ACAT1: variants seen among roughly 807,000 people sequenced by gnomAD.
The protein encoded by ACAT1 is acetyl-CoA acetyltransferase 1.
In ACAT1, 28 loss-of-function variants were observed where a neutral mutation model predicts 47.3. That is an observed-to-expected ratio of 0.59 (90% CI 0.44 to 0.81). The LOEUF (loss-of-function observed/expected upper bound fraction) is 0.81, where lower values mean the gene tolerates loss of function less well. Among genes scored for constraint, ACAT1 ranks in the 30% least tolerant of loss-of-function variants. ACAT1 has a pLI of 0.00. For missense variants in ACAT1, 469 were observed against 524.3 expected (o/e 0.89, Z 1.03); for synonymous variants, 181 against 173.6 (o/e 1.04, Z -0.34).
Position 108,147,566 on chromosome 11 carries a change from A to C in ACAT1, c.*176A>C, listed in dbSNP as rs1405211946. Reference sequence around the variant, plus strand: ...CCAAAACATTTTGAAATTAAAAATAAATTTCTTCTTCTGCTTTTTTCTTGG... The same window carrying C: ...CCAAAACATTTTGAAATTAAAAATACATTTCTTCTTCTGCTTTTTTCTTGG... On this transcript the variant is annotated 3_prime_UTR_variant, in exon 12 of 12. Coordinates refer to ENST00000265838, the MANE Select transcript of ACAT1 (RefSeq NM_000019.4). 6.8e-6 allele frequency: 6 copies of C among 876,590 alleles called. No homozygotes were observed. The East Asian group carries it at 1.9e-4, about 28-fold the overall frequency. The allele number at this position is 876,590 out of a possible 1,614,324, so 54.3% of individuals were successfully genotyped here. A position where few individuals can be genotyped will look rare whatever the true frequency, so the allele number is the denominator to read the frequency against.
upstream of ACAT1, among the ~76,000 whole-genome samples, chr11:108,119,583 C>T (rs1164679690): frequency 6.6e-6 from 1 of 152,044 alleles, no homozygotes; most frequent in South Asian, 2.1e-4. Context: ...GAGGCCAGAC[C>T]TTTAGTTTTC....
chr11:108,121,904 AATC>A, intron 1 of ACAT1: 1 of 589,600 alleles, frequency 1.7e-6, no homozygotes, highest in South Asian at 2.0e-5. Flanking sequence ...GTCTCGGCGT[AATC>A]ATCTTAATGA....
chr11:108,120,539 C>A (rs1391932376), upstream of ACAT1, among the ~76,000 whole-genome samples: 8 of 99,716 alleles, frequency 8.0e-5, no homozygotes, highest in Admixed American at 4.8e-4. Flanking sequence ...GAGACCCTAT[C>A]TTAAAAAAAA....
At chr11:108,129,415 C>T (rs2077314706) in intron 1 of ACAT1, among the ~76,000 whole-genome samples, 2 of 152,108 alleles carry the variant, frequency 1.3e-5, no homozygotes, top group Admixed American at 1.3e-4. Context: ...GTCGCCCAGG[C>T]TGGAATGCAG....
chr11:108,134,016 T>A, intron 3 of ACAT1, 79 bp downstream of exon 3: 1 of 1,338,554 alleles, frequency 7.5e-7, no homozygotes, highest in Non-Finnish European at 1.1e-6. Flanking sequence ...ATTAACTATG[T>A]ATGTAACACT....
At position 108,130,234 on chromosome 11, in the gene ACAT1, C is replaced by A. The variant is rs1315316494; in HGVS notation, c.73-1673C>A. ...CTCTGGGTCCTAGCTTGGGTGAGTC[C>A]ATTCCATTCTTGATCCCATCAGCTC... On this transcript the variant is annotated intron_variant, in intron 1 of 11. Transcript: ENST00000265838. Among the ~76,000 whole-genome samples, 4 of 152,178 alleles carry A rather than the reference C, an allele frequency of 2.6e-5. No homozygotes were observed. The East Asian group carries it at 7.7e-4, about 29-fold the overall frequency.
At chr11:108,130,545 C>T (rs1354506341) in intron 1 of ACAT1, among the ~76,000 whole-genome samples, 1 of 149,076 alleles carries the variant, frequency 6.7e-6, no homozygotes, top group Admixed American at 6.7e-5. Flanking sequence ...ATGCATGGAC[C>T]ACCACACCCA....
intron 1 of ACAT1, among the ~76,000 whole-genome samples, chr11:108,129,599 C>A (rs1039831345): frequency 6.6e-6 from 1 of 152,230 alleles, no homozygotes; most frequent in Non-Finnish European, 1.5e-5. Flanking sequence ...GAACTCCCGA[C>A]CTCATTATCC....
At chr11:108,137,918 G>T (rs1391905302) in intron 5 of ACAT1, among the ~76,000 whole-genome samples, 3 of 125,448 alleles carry the variant, frequency 2.4e-5, no homozygotes, top group African/African-American at 9.2e-5. Flanking sequence ...CTGCACTCCA[G>T]CCTGGGCAAC....
At chr11:108,141,093 C>T (rs1364990193) in intron 7 of ACAT1, among the ~76,000 whole-genome samples, 2 of 151,930 alleles carry the variant, frequency 1.3e-5, no homozygotes, top group African/African-American at 4.8e-5. Flanking sequence ...CTGGGTATAG[C>T]AGCACACGCC....
intron 4 of ACAT1, among the ~76,000 whole-genome samples, chr11:108,134,641 GAAAAAAAAAAAA>G (rs71047674): frequency 1.6e-5 from 1 of 64,118 alleles, no homozygotes; most frequent in Non-Finnish European, 2.9e-5. Context: ...CTGTCTGAAA[GAAAAAAAAAAAA>G]AAAAAAAAAA....
chr11:108,144,053 A>G lies in ACAT1; in HGVS notation c.1005+6A>G. On this transcript the variant is annotated splice_donor_region_variant and intron_variant, in intron 10 of 11. Coordinates refer to ENST00000265838, the MANE Select transcript of ACAT1 (RefSeq NM_000019.4). ...CTGTATATGCTGCATCTATGGTGAG[A>G]ACAAAGTGAGGGGCGATACTCCATT... The G allele has an allele frequency of 6.6e-7, 1 of 1,506,038 alleles. No homozygotes were observed. Among genetic ancestry groups the G allele is most frequent in the Non-Finnish European group, 9.0e-7 (1 of 1,110,308 alleles). 93.3% of individuals were successfully genotyped at this position (1,506,038 alleles called of 1,614,324 possible).
Position 108,131,900 on chromosome 11 carries a change from A to G in ACAT1, c.73-7A>G. On this transcript the variant is annotated splice_region_variant and splice_polypyrimidine_tract_variant and intron_variant, in intron 1 of 11. Coordinates refer to ENST00000265838, the MANE Select transcript of ACAT1 (RefSeq NM_000019.4). ...ACATTATAACATTATAAATATTTAT[A>G]TTACAGGAAATAAGATATGTGGAAC... 7.8e-7 allele frequency: 1 copy of G among 1,281,980 alleles called. No individual in the cohort carries two copies. 79.4% of individuals were successfully genotyped at this position (1,281,980 alleles called of 1,614,324 possible).
rs3741055 is a variant in ACAT1 at position 108,121,598 on chromosome 11, T to A, written c.-9T>A. ...CGCCTGTGGAGCCGATACTCAGCCC[T>A]CTGCGACCATGGCTGTGCTGGCGGC... On this transcript the variant is annotated 5_prime_UTR_variant, in exon 1 of 12. Transcript: ENST00000265838. 0.32 allele frequency: 493,279 copies of A among 1,548,816 alleles called. 83,240 individuals are homozygous for A. Among genetic ancestry groups the A allele is most frequent in the South Asian group, 0.48 (40,423 of 84,032 alleles).
intron 2 of ACAT1, among the ~76,000 whole-genome samples, chr11:108,132,682 A>T (rs1014097458): frequency 2.6e-5 from 4 of 151,376 alleles, no homozygotes; most frequent in Non-Finnish European, 5.9e-5. Flanking sequence ...GTGAAACCCC[A>T]TCTCCACTAA....
At chr11:108,126,952 CCT>C (rs2077260989) in intron 1 of ACAT1, among the ~76,000 whole-genome samples, 4 of 151,654 alleles carry the variant, frequency 2.6e-5, no homozygotes, top group Middle Eastern at 3.4e-3. Flanking sequence ...GCCACCATGC[CCT>C]GTTATTTTTT....
At position 108,141,599 on chromosome 11, in the gene ACAT1, T is replaced by C. The variant is rs574669264; in HGVS notation, c.731-6T>C. On this transcript the variant is annotated splice_polypyrimidine_tract_variant and splice_region_variant and intron_variant, in intron 7 of 11. Coordinates refer to ENST00000265838, the MANE Select transcript of ACAT1 (RefSeq NM_000019.4). ...AGCGATTTTACTTAAAATATTTTTA[T>C]TTTAGGTCAACCAGATGTAGTGGTG... The C allele has an allele frequency of 1.2e-6, 2 of 1,608,024 alleles. No individual in the cohort carries two copies. The highest frequency in any genetic ancestry group is 1.7e-6 in the Non-Finnish European group (2 of 1,175,868).
chr11:108,138,703 T>C (rs2077520528), intron 5 of ACAT1, 195 bp from the exon 6 acceptor site: 1 of 659,884 alleles, frequency 1.5e-6, no homozygotes, highest in Non-Finnish European at 2.6e-6. Context: ...AGCCAACTTA[T>C]TTCTCATTAT....
chr11:108,142,689 T>G, intron 9 of ACAT1, 139 bp downstream of exon 9: 1 of 692,280 alleles, frequency 1.4e-6, no homozygotes, highest in Non-Finnish European at 2.6e-6. Context: ...GTTAAAAAAT[T>G]AGCTGAGCAT....
Sources: gnomAD v4.1 joint callset for allele counts (sites outside exome capture counted in the v4.1 genomes callset) on GRCh38, gnomAD v4.1.1 for gene constraint, MANE v1.5 for transcripts, NCBI Gene and HGNC (gene_info 2026-07-23, HGNC 2026-07-21) for gene names.